FAM118A: variants seen among roughly 807,000 people sequenced by gnomAD.
FAM118A encodes protein FAM118A.
Under a neutral mutation model 38.2 loss-of-function variants are expected in FAM118A, and 25 were observed. That is an observed-to-expected ratio of 0.65 (90% CI 0.48 to 0.91). The LOEUF is 0.91. Ranked by LOEUF, FAM118A falls within the 40% of genes least tolerant of loss-of-function variation. The pLI, the probability that FAM118A is intolerant of heterozygous loss-of-function variation, is 0.00. For synonymous variants in FAM118A, 178 were observed against 184.1 expected, an observed-to-expected ratio of 0.97 and a Z score of 0.27; for missense variants, 425 against 463.3, an observed-to-expected ratio of 0.92 and a Z score of 0.76.
chr22:45,340,591 T>C lies in FAM118A; in HGVS notation c.*186T>C, dbSNP rs148794256. On this transcript the variant is annotated 3_prime_UTR_variant, in exon 9 of 9. Transcript: ENST00000441876. ...GAGGGCTCCCCTGTGTGTTGAACTA[T>C]GCAGGAGGGTGACGCGGACACATTT... 2.7e-5 allele frequency: 18 copies of C among 658,376 alleles called. No homozygotes were observed. In the East Asian group the frequency reaches 4.3e-4, roughly 16 times the overall value. 40.8% of individuals were successfully genotyped at this position (658,376 alleles called of 1,614,324 possible). A position where few individuals can be genotyped will look rare whatever the true frequency, so the allele number is the denominator to read the frequency against.
rs36188767 is a variant in FAM118A at position 45,326,824 on chromosome 22, CAAAAAAAAA to C, written c.301-1003_301-995del. ...TGGGTGACAGAGCAAGACTCTGTCT[CAAAAAAAAA>C]AAAAAAAAAAAAAAGTTAAAAAATT... is the stretch of plus-strand genomic sequence containing the variant. On this transcript the variant is annotated intron_variant, in intron 3 of 8. Transcript: ENST00000441876. Among the ~76,000 whole-genome samples, 106 of 40,488 alleles carry C rather than the reference CAAAAAAAAA, an allele frequency of 2.6e-3. 2 individuals carry two copies. The highest frequency in any genetic ancestry group is 9.9e-3 in the African/African-American group (99 of 10,034). 26.6% of individuals were successfully genotyped at this position (40,488 alleles called of 152,430 possible). A position where few individuals can be genotyped will look rare whatever the true frequency, so the allele number is the denominator to read the frequency against.
chr22:45,318,391 C>G (rs2084701609), intron 1 of FAM118A: 1 of 152,118 alleles, frequency 6.6e-6, no homozygotes, highest in African/African-American at 2.4e-5. Context: ...CCGAGAGATG[C>G]AGCGTCTGAA....
chr22:45,317,062 T>C (rs1224051963), intron 1 of FAM118A, among the ~76,000 whole-genome samples: 1 of 152,192 alleles, frequency 6.6e-6, no homozygotes, highest in Non-Finnish European at 1.5e-5. Context: ...TCAAAGCCCA[T>C]GTGATCATCT....
At chr22:45,336,537 C>T in intron 8 of FAM118A, 126 bp downstream of exon 8, 1 of 692,410 alleles carries the variant, frequency 1.4e-6, no homozygotes, top group South Asian at 1.8e-5. Flanking sequence ...TACGTTCTGT[C>T]AGGGCCAGAG....
intron 8 of FAM118A, among the ~76,000 whole-genome samples, chr22:45,339,777 C>T (rs1008513111): frequency 1.3e-5 from 2 of 152,314 alleles, no homozygotes; most frequent in South Asian, 2.1e-4. Flanking sequence ...TTTGTCCCCC[C>T]GTGGCCTACC....
intron 2 of FAM118A, 99 bp from the exon 3 acceptor site, chr22:45,323,076 T>TGTAC (rs1555911091): frequency 7.8e-7 from 1 of 1,282,230 alleles, no homozygotes; most frequent in South Asian, 1.4e-5. Context: ...TGTGTGTGTG[T>TGTAC]ACACAGCACA....
intron 2 of FAM118A, 124 bp from the exon 3 acceptor site, chr22:45,323,051 G>GTGTGTA: frequency 1.0e-6 from 1 of 954,180 alleles, no homozygotes; most frequent in South Asian, 1.6e-5. Context: ...CTGTGTGTGT[G>GTGTGTA]TGTGTGTGTG....
At chr22:45,336,095 C>T (rs569417234) in intron 7 of FAM118A, among the ~76,000 whole-genome samples, 2 of 152,196 alleles carry the variant, frequency 1.3e-5, no homozygotes, top group Non-Finnish European at 2.9e-5. Context: ...GTCGGCTCCC[C>T]GTTGCCACCT....
At chr22:45,309,689 C>T (rs1020842365), upstream of FAM118A, 1 of 152,276 alleles carries the variant, frequency 6.6e-6, no homozygotes, top group African/African-American at 2.4e-5. Context: ...AAGCGCTCCC[C>T]AGCGCAAGCC....
At chr22:45,320,585 A>G (rs1450799150) in intron 1 of FAM118A, among the ~76,000 whole-genome samples, 1 of 152,016 alleles carries the variant, frequency 6.6e-6, no homozygotes, top group East Asian at 1.9e-4. Flanking sequence ...ACAGATGAGC[A>G]CCACCACATT....
upstream of FAM118A, chr22:45,309,864 G>A (rs2084285843): frequency 6.6e-6 from 1 of 152,082 alleles, no homozygotes; most frequent in Non-Finnish European, 1.5e-5. Context: ...GGGCCTCCGG[G>A]GACCGCGGGG....
intron 1 of FAM118A, among the ~76,000 whole-genome samples, chr22:45,311,921 G>A (rs926845750): frequency 3.9e-5 from 6 of 152,076 alleles, no homozygotes; most frequent in African/African-American, 9.6e-5. Flanking sequence ...GTCTGTGGTC[G>A]CCTTAGTGCT....
intron 5 of FAM118A, among the ~76,000 whole-genome samples, chr22:45,331,024 A>G (rs738175): frequency 1 from 151,811 of 152,300 alleles, 75,662 homozygotes; most frequent in Middle Eastern, 1. Flanking sequence ...AGCCCTGGCC[A>G]TTTGGTGGTT....
intron 1 of FAM118A, among the ~76,000 whole-genome samples, chr22:45,312,179 A>T (rs995541597): frequency 1.3e-5 from 2 of 152,204 alleles, no homozygotes; most frequent in African/African-American, 4.8e-5. Flanking sequence ...CCAAGCGGGC[A>T]GTCATTTGTG....
At chr22:45,322,552 A>G in intron 2 of FAM118A, 126 bp downstream of exon 2, 1 of 843,398 alleles carries the variant, frequency 1.2e-6, no homozygotes, top group Non-Finnish European at 1.9e-6. Context: ...GGGGCATGAG[A>G]GAACCTCGAG....
chr22:45,323,317 G>A lies in FAM118A; in HGVS notation c.190G>A (p.Glu64Lys). The change falls in exon 3 of 9, where the codon GAG becomes AAG. Residue 64 changes from glutamate (E) to lysine (K), a missense_variant. Coordinates refer to ENST00000441876, the MANE Select transcript of FAM118A (RefSeq NM_017911.4). ...CATCGAGGCCGTCATCGAGGCTGCA[G>A]AGCAGCTGGAGGTGCTGCACCCCGG... The part of the protein sequence containing the change: ...SCIEAVIEAA[E>K]QLEVLHPGDV... 1 of 1,614,180 alleles carries A rather than the reference G, an allele frequency of 6.2e-7. No homozygotes were observed. The highest frequency in any genetic ancestry group is 8.5e-7 in the Non-Finnish European group (1 of 1,180,004).
At chr22:45,322,962 T>C (rs927305590) in intron 2 of FAM118A, among the ~76,000 whole-genome samples, 1 of 151,956 alleles carries the variant, frequency 6.6e-6, no homozygotes, top group Middle Eastern at 3.2e-3. Context: ...CCACGTCCTT[T>C]AAGGAATAAG....
chr22:45,335,088 A>G (rs2085990127), intron 6 of FAM118A: 1 of 492,728 alleles, frequency 2.0e-6, no homozygotes, highest in Non-Finnish European at 3.6e-6. Context: ...GAGGAGGCCC[A>G]TGACAGTGAC....
Position 45,335,373 on chromosome 22 carries a change from A to G in FAM118A, c.961A>G (p.Thr321Ala). ...SPDADRVDSTTLLGNACQDCA... is the reference protein window; with the variant it reads ...SPDADRVDSTALLGNACQDCA... ...AGATGCTGATCGCGTGGACAGCACC[A>G]CATTATTGGGTAAAGCAGATCTTTC... Residue 321 changes from threonine to alanine, a missense_variant, in exon 7 of 9, where the codon ACA becomes GCA. Coordinates refer to ENST00000441876, the MANE Select transcript of FAM118A (RefSeq NM_017911.4). 6.2e-7 allele frequency: 1 copy of G among 1,614,242 alleles called. No individual in the cohort carries two copies. Among genetic ancestry groups the G allele is most frequent in the Non-Finnish European group, 8.5e-7 (1 of 1,180,028 alleles).
Sources: gnomAD v4.1 joint callset for allele counts (sites outside exome capture counted in the v4.1 genomes callset) on GRCh38, gnomAD v4.1.1 for gene constraint, MANE v1.5 for transcripts, NCBI Gene and HGNC (gene_info 2026-07-23, HGNC 2026-07-21) for gene names.